Variants in CCAR1 observed in about 807,000 individuals in gnomAD.
CCAR1 encodes the protein cell division cycle and apoptosis regulator protein 1.
Under a neutral mutation model 163.8 loss-of-function variants are expected in CCAR1, and 78 were observed. That is an observed-to-expected ratio of 0.48 (90% CI 0.40 to 0.57). The LOEUF (loss-of-function observed/expected upper bound fraction) is 0.57, where lower values mean the gene tolerates loss of function less well. CCAR1 is among the 20% of genes least tolerant of loss of function. The pLI is 0.00. For missense variants in CCAR1, 1,019 were observed against 1,365.2 expected (o/e 0.75, Z 4.00); for synonymous variants, 443 against 460.7 (o/e 0.96, Z 0.49).
At chr10:68,790,354 TAAAA>T (rs530271339) in intron 24 of CCAR1, among the ~76,000 whole-genome samples, 1 of 136,144 alleles carries the variant, frequency 7.3e-6, no homozygotes, top group Admixed American at 7.3e-5. Flanking sequence ...GACCCCATCT[TAAAA>T]AAAAAAAAAA....
chr10:68,769,099 C>T (rs112636983), intron 17 of CCAR1, among the ~76,000 whole-genome samples: 3 of 152,082 alleles, frequency 2.0e-5, no homozygotes, highest in East Asian at 1.9e-4. Flanking sequence ...CTCGACGTCC[C>T]GAGTAGCCCT....
intron 21 of CCAR1, 67 bp downstream of exon 21, chr10:68,786,759 A>G (rs1322720898): frequency 7.3e-7 from 1 of 1,362,846 alleles, no homozygotes; most frequent in East Asian, 2.4e-5. Context: ...GTGAAAAGTT[A>G]ATAGAACCTC....
chr10:68,728,982 G>A lies in CCAR1; in HGVS notation c.73+6405G>A, dbSNP rs577257717. 2.7e-5 allele frequency among the ~76,000 whole-genome samples: 4 copies of A among 150,754 alleles called. No homozygotes were observed. In the South Asian group the frequency reaches 6.3e-4, roughly 24 times the overall value. On this transcript the variant is annotated intron_variant, in intron 2 of 24. Coordinates refer to ENST00000265872, the MANE Select transcript of CCAR1 (RefSeq NM_018237.4). The stretch of plus-strand genomic sequence containing the variant: ...AAAAAAAAAAAGCCCTGTCCAATAA[G>A]TAGAACTTTCTATGGTAATAAGCAT...
intron 17 of CCAR1, among the ~76,000 whole-genome samples, chr10:68,769,158 G>A (rs2133393288): frequency 6.6e-6 from 1 of 152,166 alleles, no homozygotes; most frequent in African/African-American, 2.4e-5. Context: ...TGTATTTTTA[G>A]TAAAGACAAG....
chr10:68,774,897 T>A (rs541444848), intron 19 of CCAR1: 1 of 377,976 alleles, frequency 2.6e-6, no homozygotes, highest in Non-Finnish European at 5.0e-6. Flanking sequence ...TTTAAAAAAT[T>A]ATATTTTTCT....
chr10:68,769,801 C>T (rs921360972), intron 17 of CCAR1, among the ~76,000 whole-genome samples: 2 of 151,188 alleles, frequency 1.3e-5, no homozygotes, highest in South Asian at 2.1e-4. Context: ...ATTAGCCAGG[C>T]GTGGTGGCAG....
At chr10:68,745,487 G>C (rs1163149) in intron 6 of CCAR1, among the ~76,000 whole-genome samples, 2 of 149,600 alleles carry the variant, frequency 1.3e-5, no homozygotes. Context: ...TTTGGAGACC[G>C]AGTTTCGCTC....
intron 24 of CCAR1, among the ~76,000 whole-genome samples, chr10:68,790,354 TAAA>T (rs530271339): frequency 7.3e-6 from 1 of 136,122 alleles, no homozygotes. Context: ...GACCCCATCT[TAAA>T]AAAAAAAAAA....
At chr10:68,762,278 C>A (rs2056482208) in intron 16 of CCAR1, among the ~76,000 whole-genome samples, 1 of 151,374 alleles carries the variant, frequency 6.6e-6, no homozygotes, top group Non-Finnish European at 1.5e-5. Flanking sequence ...GCAGTGAGCC[C>A]AGATTGCGCC....
chr10:68,753,729 A>G (rs1331987491), intron 10 of CCAR1, 123 bp from the exon 11 acceptor site: 1 of 692,028 alleles, frequency 1.4e-6, no homozygotes, highest in Non-Finnish European at 2.5e-6. Context: ...GCTCATTAGT[A>G]ACTGACTTTG....
intron 2 of CCAR1, among the ~76,000 whole-genome samples, chr10:68,731,550 G>T (rs554008852): frequency 2.2e-4 from 32 of 148,748 alleles, no homozygotes; most frequent in South Asian, 1.1e-3. Flanking sequence ...ATTTTTCCTA[G>T]CAGTCAAAAT....
chr10:68,722,992 G>T (rs143863543), intron 2 of CCAR1, among the ~76,000 whole-genome samples: 3 of 151,882 alleles, frequency 2.0e-5, no homozygotes, highest in African/African-American at 7.2e-5. Flanking sequence ...TTTGCAAATT[G>T]TGAATTCATT....
chr10:68,757,955 A>G (rs2056416615), intron 15 of CCAR1, among the ~76,000 whole-genome samples: 1 of 151,168 alleles, frequency 6.6e-6, no homozygotes. Context: ...GTTAGCCATT[A>G]TGGTCTCAAT....
At position 68,761,009 on chromosome 10, in the gene CCAR1, A is replaced by G; in HGVS notation, c.1923A>G (p.Val641=). 1.5e-6 allele frequency: 2 copies of G among 1,351,128 alleles called. No homozygotes were observed. The highest frequency in any genetic ancestry group is 3.2e-5 in the African/African-American group (2 of 63,294). The allele number at this position is 1,351,128 out of a possible 1,614,324, so 83.7% of individuals were successfully genotyped here. A position where few individuals can be genotyped will look rare whatever the true frequency, so the allele number is the denominator to read the frequency against. Residue 641 remains valine (V), a splice_region_variant and synonymous_variant, in exon 16 of 25, where the codon GTA becomes GTG. Transcript: ENST00000265872. ...GTTTTTCTGCTCCATATATTCAGGT[A>G]AATGACCTCCGAAAAGAATTAGAAA... The part of the protein sequence containing the change: ...WSKLDPKTMK[V]NDLRKELESR...
rs897332026 is a variant in CCAR1, at chr10:68,756,616, C to T, written c.1836+133C>T. On this transcript the variant is annotated intron_variant, in intron 14 of 24. Coordinates refer to ENST00000265872, the MANE Select transcript of CCAR1 (RefSeq NM_018237.4). The surrounding 1 kb of genome is among the most constrained non-coding windows in gnomAD (Gnocchi z 5.1). ...CTGGTAACAGCGACTGGTAATCCAG[C>T]TTTCAGCAGTATAGTTGTATGTTCT... 5 of 760,374 alleles carry T rather than the reference C, an allele frequency of 6.6e-6. No individual in the cohort carries two copies. The African/African-American group carries it at 6.9e-5, about 10-fold the overall frequency. The allele number at this position is 760,374 out of a possible 1,614,324, so 47.1% of individuals were successfully genotyped here.
At chr10:68,753,131 A>G (rs545213626) in intron 10 of CCAR1, among the ~76,000 whole-genome samples, 2 of 40,324 alleles carry the variant, frequency 5.0e-5, no homozygotes, top group South Asian at 7.3e-4. Context: ...CTTTTAACAG[A>G]CATCTCTTAG....
chr10:68,723,354 C>T (rs926257624), intron 2 of CCAR1, among the ~76,000 whole-genome samples: 6 of 149,536 alleles, frequency 4.0e-5, no homozygotes, highest in African/African-American at 1.5e-4. Context: ...TGGTCTCGAT[C>T]TCCTGACCTT....
rs1295638429 is a variant in CCAR1 at position 68,749,615 on chromosome 10, C to T, written c.1048C>T (p.Arg350Ter). Residue 350 changes from arginine to a stop codon, truncating the protein, a stop_gained, in exon 10 of 25, where the codon CGA becomes TGA. Coordinates refer to ENST00000265872, the MANE Select transcript of CCAR1 (RefSeq NM_018237.4). LOFTEE classifies it high-confidence loss of function. ...AAGATCTCCACGAAGAGAGCGAGAG[C>T]GATCACCTCGGAGAGTTCGACGTGT... Reference protein sequence around the residue: ...RERSPRRERERSPRRVRRVVP... With the variant: ...RERSPRRERE 1 of 1,613,744 alleles carries T rather than the reference C, an allele frequency of 6.2e-7. No individual in the cohort carries two copies. The highest frequency in any genetic ancestry group is 8.5e-7 in the Non-Finnish European group (1 of 1,179,810).
intron 23 of CCAR1, among the ~76,000 whole-genome samples, chr10:68,789,004 A>G (rs2056825186): frequency 6.6e-6 from 1 of 150,638 alleles, no homozygotes; most frequent in Non-Finnish European, 1.5e-5. Context: ...CCACCTCCCA[A>G]GTTCAAGCGA....
Sources: allele counts gnomAD v4.1 joint callset (sites outside exome capture counted in the v4.1 genomes callset), GRCh38; gene constraint gnomAD v4.1.1; non-coding constraint Gnocchi (gnomAD v3.1); transcripts MANE v1.5; gene names NCBI Gene and HGNC (gene_info 2026-07-23, HGNC 2026-07-21).